Variants in FBXL17 observed in about 807,000 individuals in gnomAD.
The protein encoded by FBXL17 is F-box and leucine rich repeat protein 17.
Under a neutral mutation model 66.2 loss-of-function variants are expected in FBXL17, and 22 were observed. The observed-to-expected ratio is 0.33, with a 90% confidence interval of 0.24 to 0.47. The LOEUF (loss-of-function observed/expected upper bound fraction) is 0.47. Among genes scored for constraint, FBXL17 ranks in the 20% least tolerant of loss-of-function variants. The pLI is 1.00. For synonymous variants in FBXL17, 474 were observed against 400.5 expected (o/e 1.18, Z -2.19); for missense variants, 878 against 948.2 (o/e 0.93, Z 0.97).
intron 7 of FBXL17, among the ~76,000 whole-genome samples, chr5:107,886,745 A>G (rs1041773710): frequency 6.6e-6 from 1 of 152,168 alleles, no homozygotes; most frequent in South Asian, 2.1e-4. Context: ...ATAATCAGAT[A>G]AATATAAACA....
intron 7 of FBXL17, among the ~76,000 whole-genome samples, chr5:107,980,660 A>ATTTTTTTTTTTTTTTTT (rs1385093226): frequency 1.5e-5 from 1 of 68,554 alleles, no homozygotes; most frequent in Non-Finnish European, 2.5e-5. Context: ...ATATATATAT[A>ATTTTTTTTTTTTTTTTT]TATATTTTTT....
chr5:108,237,638 AG>A (rs1411774942), intron 4 of FBXL17, among the ~76,000 whole-genome samples: 7 of 152,292 alleles, frequency 4.6e-5, no homozygotes, highest in African/African-American at 1.7e-4. Context: ...CTTTAAGTGC[AG>A]GGTAATAAAG....
At chr5:108,235,402 C>T (rs1755556158) in intron 4 of FBXL17, among the ~76,000 whole-genome samples, 1 of 152,138 alleles carries the variant, frequency 6.6e-6, no homozygotes, top group Admixed American at 6.6e-5. Context: ...TAAAGATGGC[C>T]TAGAATATAC....
At chr5:107,881,315 A>C in intron 7 of FBXL17, 136 bp from the exon 8 acceptor site, 1 of 532,670 alleles carries the variant, frequency 1.9e-6, no homozygotes, top group Non-Finnish European at 3.3e-6. Flanking sequence ...TATAAACTAA[A>C]CTAAATTTGA....
intron 4 of FBXL17, among the ~76,000 whole-genome samples, chr5:108,342,992 T>C (rs1330141133): frequency 6.6e-6 from 1 of 152,180 alleles, no homozygotes; most frequent in Non-Finnish European, 1.5e-5. Context: ...GGCAGAGCCC[T>C]AATATATGGG....
chr5:107,881,335 G>A (rs1748784087), intron 7 of FBXL17, among the ~76,000 whole-genome samples, 156 bp from the exon 8 acceptor site: 1 of 152,104 alleles, frequency 6.6e-6, no homozygotes, highest in Admixed American at 6.5e-5. Context: ...AAATGCTTTA[G>A]GAAAGCTTCC....
intron 4 of FBXL17, among the ~76,000 whole-genome samples, chr5:108,268,890 T>C (rs1322491325): frequency 1.3e-5 from 2 of 152,028 alleles, no homozygotes; most frequent in East Asian, 3.9e-4. Flanking sequence ...ATCTATTTAA[T>C]ACAAGTTTTA....
At chr5:108,238,470 T>C (rs1255972651) in intron 4 of FBXL17, among the ~76,000 whole-genome samples, 2 of 152,214 alleles carry the variant, frequency 1.3e-5, no homozygotes, top group Admixed American at 6.5e-5. Flanking sequence ...TGTATTAAAA[T>C]GGTCATTTGC....
intron 5 of FBXL17, among the ~76,000 whole-genome samples, chr5:108,210,128 G>GT (rs1055379002): frequency 6.6e-6 from 1 of 152,124 alleles, no homozygotes; most frequent in African/African-American, 2.4e-5. Context: ...TCTGATGGTA[G>GT]TTTGTATTTC....
At chr5:108,362,929 C>T (rs1013030473) in intron 3 of FBXL17, among the ~76,000 whole-genome samples, 3 of 151,974 alleles carry the variant, frequency 2.0e-5, no homozygotes, top group South Asian at 2.1e-4. Context: ...AAAACAGAAC[C>T]CTGCAACAAC....
intron 7 of FBXL17, among the ~76,000 whole-genome samples, chr5:107,994,901 A>T (rs1285011205): frequency 6.6e-6 from 1 of 152,162 alleles, no homozygotes; most frequent in Non-Finnish European, 1.5e-5. Flanking sequence ...ACATATGTTT[A>T]AAAAATGTTT....
intron 6 of FBXL17, among the ~76,000 whole-genome samples, chr5:108,134,033 T>C (rs1251592542): frequency 6.6e-6 from 1 of 152,176 alleles, no homozygotes; most frequent in East Asian, 1.9e-4. Context: ...TGGCTGTCCT[T>C]ATTAGCTGTT....
intron 7 of FBXL17, among the ~76,000 whole-genome samples, chr5:107,918,626 G>T (rs1209044110): frequency 6.6e-6 from 1 of 152,128 alleles, no homozygotes; most frequent in African/African-American, 2.4e-5. Context: ...ATAAACACAT[G>T]TTGAAATATT....
intron 5 of FBXL17, among the ~76,000 whole-genome samples, chr5:108,216,936 T>C (rs1442582102): frequency 6.6e-6 from 1 of 152,144 alleles, no homozygotes; most frequent in African/African-American, 2.4e-5. Context: ...CCTTTGTCCT[T>C]TGTATAGTCA....
At chr5:107,925,899 A>G (rs1238335189) in intron 7 of FBXL17, among the ~76,000 whole-genome samples, 3 of 152,188 alleles carry the variant, frequency 2.0e-5, no homozygotes, top group Non-Finnish European at 2.9e-5. Flanking sequence ...TAATACTAAA[A>G]GAAGGGTTTC....
At chr5:107,913,595 T>G (rs1466678132) in intron 7 of FBXL17, among the ~76,000 whole-genome samples, 1 of 151,934 alleles carries the variant, frequency 6.6e-6, no homozygotes, top group Non-Finnish European at 1.5e-5. Context: ...GAACTTTAAG[T>G]GAAGTAGGTC....
chr5:107,916,393 G>A (rs1431723683), intron 7 of FBXL17, among the ~76,000 whole-genome samples: 1 of 152,070 alleles, frequency 6.6e-6, no homozygotes, highest in Non-Finnish European at 1.5e-5. Context: ...TAGGGGAGGA[G>A]GGCTACCCCA....
chr5:108,061,514 C>A (rs7729356), intron 6 of FBXL17, among the ~76,000 whole-genome samples: 44,071 of 151,878 alleles, frequency 0.29, 7,525 homozygotes, highest in Admixed American at 0.4. Flanking sequence ...GCCCTCTCAA[C>A]CACAGTCACA....
At chr5:107,866,451 G>A (rs1176355601) in intron 8 of FBXL17, among the ~76,000 whole-genome samples, 1 of 152,130 alleles carries the variant, frequency 6.6e-6, no homozygotes, top group African/African-American at 2.4e-5. Context: ...GAAAATGTGA[G>A]GCAAATTGCT....
Sources: allele counts gnomAD v4.1 joint callset (sites outside exome capture counted in the v4.1 genomes callset), GRCh38; gene constraint gnomAD v4.1.1; transcripts MANE v1.5; gene names NCBI Gene and HGNC (gene_info 2026-07-23, HGNC 2026-07-21).